Variants in H1-8 observed in about 807,000 individuals in gnomAD.
H1-8 encodes the protein H1.8 linker histone.
A neutral mutation model predicts 19.5 loss-of-function variants in H1-8; 13 were observed. That is an observed-to-expected ratio of 0.67 (90% CI 0.43 to 1.06). The LOEUF is 1.06. Among genes scored for constraint, H1-8 ranks in the 50% least tolerant of loss-of-function variants. H1-8 has a pLI of 0.00. For missense variants in H1-8, 432 were observed against 459.8 expected (o/e 0.94, Z 0.55); for synonymous variants, 193 against 187.6 (o/e 1.03, Z -0.24).
At chr3:129,545,325 C>A (rs2084879825) in intron 1 of H1-8, among the ~76,000 whole-genome samples, 1 of 152,156 alleles carries the variant, frequency 6.6e-6, no homozygotes, top group Admixed American at 6.5e-5. Context: ...TTTCCATTCA[C>A]CACATTTAAA....
rs750251868 is a variant in H1-8 at position 129,549,044 on chromosome 3, C to T, written c.422C>T (p.Ala141Val). Residue 141 changes from alanine (A) to valine (V), a missense_variant, in exon 3 of 5, where the codon GCC (alanine) becomes GTC (valine). Ala to Val is a moderately conservative substitution (Grantham distance 64). Coordinates refer to ENST00000324382, the MANE Select transcript of H1-8 (RefSeq NM_153833.3). ...HKKKIQPRKM[A>V]PATAPRRAGE... The stretch of plus-strand genomic sequence containing the variant: ...AAGAAAATCCAGCCCAGGAAGATGG[C>T]CCCCGCGACGGCTCCCAGGAGAGCG... 6 of 1,612,054 alleles carry T rather than the reference C, an allele frequency of 3.7e-6. No individual in the cohort carries two copies. In the South Asian group the frequency reaches 6.6e-5, roughly 18 times the overall value.
rs2084912840 is a variant in H1-8 at position 129,549,115 on chromosome 3, G to A, written c.493G>A (p.Glu165Lys). The change falls in exon 3 of 5, where the codon GAG becomes AAG. Residue 165 changes from glutamate (E) to lysine (K), a missense_variant. Coordinates refer to ENST00000324382, the MANE Select transcript of H1-8 (RefSeq NM_153833.3). The stretch of plus-strand genomic sequence containing the variant: ...CCCCAAGAAACCAAGTGAGGCCAAG[G>A]AGGACCCTCCCAACGTGGGCAAGGT... ...KGPKKPSEAK[E>K]DPPNVGKVKK... 1 of 1,595,720 alleles carries A rather than the reference G, an allele frequency of 6.3e-7. No homozygotes were observed. Among genetic ancestry groups the A allele is most frequent in the Non-Finnish European group, 8.5e-7 (1 of 1,170,282 alleles).
chr3:129,546,980 A>C (rs919385458), intron 1 of H1-8, among the ~76,000 whole-genome samples: 1 of 152,144 alleles, frequency 6.6e-6, no homozygotes, highest in East Asian at 1.9e-4. Context: ...CGGGTGGGTC[A>C]TGAGGTCAGG....
chr3:129,548,294 T>A, intron 2 of H1-8: 1 of 983,620 alleles, frequency 1.0e-6, no homozygotes, highest in South Asian at 4.7e-5. Context: ...ATTCTCAGCC[T>A]ACCCCAAGCC....
At chr3:129,546,122 C>CAATAATAAT (rs56301839) in intron 1 of H1-8, among the ~76,000 whole-genome samples, 1,494 of 139,208 alleles carry the variant, frequency 0.011, 15 homozygotes, top group East Asian at 0.03. Context: ...ATAACAATAA[C>CAATAATAAT]AATAATAATA....
chr3:129,547,199 G>C (rs565384105), intron 1 of H1-8, among the ~76,000 whole-genome samples, 192 bp from the exon 2 acceptor site: 1 of 151,920 alleles, frequency 6.6e-6, no homozygotes, highest in Non-Finnish European at 1.5e-5. Context: ...GTGTCTCAAA[G>C]AAAAAAAGAG....
At chr3:129,545,800 C>T (rs543905916) in intron 1 of H1-8, among the ~76,000 whole-genome samples, 3 of 152,226 alleles carry the variant, frequency 2.0e-5, no homozygotes, top group Admixed American at 6.5e-5. Flanking sequence ...GGATGGGTAG[C>T]GACCACATTT....
At chr3:129,543,342 C>A in intron 1 of H1-8, 36 bp downstream of exon 1, 5 of 1,490,582 alleles carry the variant, frequency 3.4e-6, no homozygotes, top group Non-Finnish European at 4.6e-6. Context: ...CTCATCCCTG[C>A]GAGCCCACTC....
At chr3:129,546,318 T>A (rs1353299560) in intron 1 of H1-8, among the ~76,000 whole-genome samples, 3 of 151,946 alleles carry the variant, frequency 2.0e-5, no homozygotes, top group Non-Finnish European at 2.9e-5. Context: ...ATTGAGACCC[T>A]GTCTCCATAA....
rs1476909893 is a variant in H1-8 at position 129,551,377 on chromosome 3, C to A, written c.*37C>A. The A allele has an allele frequency of 1.5e-6, 2 of 1,358,708 alleles. No homozygotes were observed. Among genetic ancestry groups the A allele is most frequent in the Non-Finnish European group, 2.0e-6 (2 of 975,888 alleles). 84.2% of individuals were successfully genotyped at this position (1,358,708 alleles called of 1,614,324 possible). On this transcript the variant is annotated 3_prime_UTR_variant, in exon 5 of 5. Transcript: ENST00000324382. ...GGGGCGGAGAGAGACCGAGCCTCTG[C>A]CCTAGTTTTTATTCTTCAACTAACC...
intron 1 of H1-8, among the ~76,000 whole-genome samples, chr3:129,544,363 GGTGGGGAAGAGGCA>G (rs1446645558): frequency 6.6e-6 from 1 of 152,060 alleles, no homozygotes; most frequent in African/African-American, 2.4e-5. Flanking sequence ...GAATGCATGC[GGTGGGGAAGAGGCA>G]GTGGGGAGGA....
chr3:129,544,593 G>C (rs2084874833), intron 1 of H1-8, among the ~76,000 whole-genome samples: 1 of 151,968 alleles, frequency 6.6e-6, no homozygotes, highest in African/African-American at 2.4e-5. Context: ...CTCTGTTCTG[G>C]ACATCCTGGT....
At chr3:129,543,389 T>C (rs2084866010) in intron 1 of H1-8, 83 bp downstream of exon 1, 1 of 1,026,890 alleles carries the variant, frequency 9.7e-7, no homozygotes, top group Non-Finnish European at 1.5e-6. Context: ...CTGCTTCTCG[T>C]TCTTTCCCAG....
chr3:129,549,586 C>A (rs1384949319), intron 3 of H1-8, among the ~76,000 whole-genome samples: 1 of 151,768 alleles, frequency 6.6e-6, no homozygotes, highest in Non-Finnish European at 1.5e-5. Context: ...GAGACTGACT[C>A]ATTCTTGAGG....
chr3:129,547,707 C>T (rs1356354945), intron 2 of H1-8, 27 bp downstream of exon 2: 2 of 1,517,406 alleles, frequency 1.3e-6, no homozygotes, highest in Non-Finnish European at 1.8e-6. Flanking sequence ...GAGGACATAG[C>T]CCAGGGTTGG....
chr3:129,550,923 T>G, intron 4 of H1-8, 114 bp downstream of exon 4: 1 of 1,076,886 alleles, frequency 9.3e-7, no homozygotes, highest in East Asian at 2.6e-5. Context: ...TCAATTTCTT[T>G]TCCTACAAAG....
At chr3:129,543,551 G>A (rs1311851937) in intron 1 of H1-8, among the ~76,000 whole-genome samples, 1 of 152,194 alleles carries the variant, frequency 6.6e-6, no homozygotes, top group Non-Finnish European at 1.5e-5. Flanking sequence ...GGCTGGGGCC[G>A]GCCTCGCTCA....
chr3:129,550,877 C>T lies in H1-8; in HGVS notation c.807+68C>T, dbSNP rs938177246. On this transcript the variant is annotated intron_variant, in intron 4 of 4. Coordinates refer to ENST00000324382, the MANE Select transcript of H1-8 (RefSeq NM_153833.3). ...AACAGGCCAGAGCTTGGGCATCCCA[C>T]ACTCAGCCCCCGGAAGGGTCATCCA... The T allele has an allele frequency of 2.1e-6, 3 of 1,395,860 alleles. No individual in the cohort carries two copies. The African/African-American group carries it at 4.3e-5, about 20-fold the overall frequency. 86.5% of individuals were successfully genotyped at this position (1,395,860 alleles called of 1,614,324 possible).
In H1-8 at chr3:129,547,659, G is replaced by T; in HGVS notation, c.357G>T (p.Arg119Ser). ...LLARPLNSKA[R>S]GATGSFKLVP... ...CCAGGCCCCTCAACTCCAAAGCCAG[G>T]GGGGCCACTGGCAGCTTCAAAGTAA... Residue 119 changes from arginine (R) to serine (S), a missense_variant, in exon 2 of 5, where the codon AGG (arginine) becomes AGT (serine). Physicochemically the swap from Arg to Ser is moderately radical, Grantham distance 110. Coordinates refer to ENST00000324382, the MANE Select transcript of H1-8 (RefSeq NM_153833.3). The T allele has an allele frequency of 6.5e-7, 1 of 1,543,982 alleles. No homozygotes were observed. Among genetic ancestry groups the T allele is most frequent in the African/African-American group, 1.4e-5 (1 of 72,958 alleles).
Sources: gnomAD v4.1 joint callset for allele counts (sites outside exome capture counted in the v4.1 genomes callset) on GRCh38, gnomAD v4.1.1 for gene constraint, MANE v1.5 for transcripts, NCBI Gene and HGNC (gene_info 2026-07-23, HGNC 2026-07-21) for gene names.